NCBP3: variants seen among roughly 807,000 people sequenced by gnomAD.
NCBP3 encodes the protein nuclear cap binding subunit 3.
A neutral mutation model predicts 75.7 loss-of-function variants in NCBP3; 20 were observed. The observed-to-expected ratio is 0.26, with a 90% CI of 0.19 to 0.38. The LOEUF (loss-of-function observed/expected upper bound fraction) is 0.38. NCBP3 is among the 10% of genes least tolerant of loss of function. NCBP3 has a pLI of 1.00. For synonymous variants in NCBP3, 293 were observed against 290.5 expected (o/e 1.01, Z -0.09); for missense variants, 678 against 796.9 (o/e 0.85, Z 1.80).
Position 3,826,128 on chromosome 17 carries a change from C to T in NCBP3, c.569G>A (p.Arg190Lys), listed in dbSNP as rs1277049630. 2 of 1,551,664 alleles carry T rather than the reference C, an allele frequency of 1.3e-6. No homozygotes were observed. The highest frequency in any genetic ancestry group is 2.4e-5 in the South Asian group (2 of 84,062). The part of the protein sequence containing the change: ...SLPAQDKIRS[R>K]DASEDKSAEK... ...AGCTGACTTGTCCTCACTGGCATCC[C>T]TGCTTCTGATCTTATCCTGTGCAGG... Residue 190 changes from arginine to lysine, a missense_variant, in exon 5 of 13, where the codon AGG becomes AAG. Around this residue, in one of 7 missense-constraint regions of NCBP3, gnomAD observed 98 missense variants for 101.8 expected, o/e 0.96. Transcript: ENST00000389005.
In NCBP3 at chr17:3,807,325, C is replaced by G. The variant is rs940519515; in HGVS notation, c.*5719G>C. ...CATCTGCATGATTCCCTAGCAAATGCTTTAGAGAGCTGGTAAGCTTCAGCT... is the reference window on the plus strand; with the variant it reads ...CATCTGCATGATTCCCTAGCAAATGGTTTAGAGAGCTGGTAAGCTTCAGCT... On this transcript the variant is annotated 3_prime_UTR_variant, in exon 13 of 13. Transcript: ENST00000389005. The G allele has an allele frequency of 2.6e-5, 4 of 152,294 alleles. No homozygotes were observed. Among genetic ancestry groups the G allele is most frequent in the Non-Finnish European group, 5.9e-5 (4 of 68,018 alleles). The allele number at this position is 152,294 out of a possible 1,614,324, so 9.4% of individuals were successfully genotyped here.
At chr17:3,825,962 T>C (rs2053776109) in intron 5 of NCBP3, 119 bp from the exon 6 acceptor site, 1 of 1,418,362 alleles carries the variant, frequency 7.1e-7, no homozygotes, top group South Asian at 1.3e-5. Flanking sequence ...TTCCTGATGA[T>C]CTCAAGCATC....
At chr17:3,843,914 G>C (rs2054111089) in intron 1 of NCBP3, among the ~76,000 whole-genome samples, 1 of 152,090 alleles carries the variant, frequency 6.6e-6, no homozygotes, top group African/African-American at 2.4e-5. Context: ...TTATTAAGAA[G>C]CCCCATCCTA....
chr17:3,830,690 C>T (rs1003087409), intron 3 of NCBP3, among the ~76,000 whole-genome samples: 7 of 152,240 alleles, frequency 4.6e-5, no homozygotes, highest in South Asian at 2.1e-4. Flanking sequence ...TGGGTTCAAG[C>T]GATTCTCCTG....
At chr17:3,830,227 G>A (rs781327831) in intron 3 of NCBP3, among the ~76,000 whole-genome samples, 1 of 152,094 alleles carries the variant, frequency 6.6e-6, no homozygotes, top group Non-Finnish European at 1.5e-5. Flanking sequence ...ACATACATGT[G>A]GGCTCACGAA....
At chr17:3,829,039 G>A (rs2053833612) in intron 4 of NCBP3, among the ~76,000 whole-genome samples, 1 of 152,274 alleles carries the variant, frequency 6.6e-6, no homozygotes, top group Non-Finnish European at 1.5e-5. Context: ...CTCAGCTGAC[G>A]TGGGACACTA....
intron 4 of NCBP3, 28 bp downstream of exon 4, chr17:3,829,215 T>C (rs1399055536): frequency 1.3e-6 from 2 of 1,550,150 alleles, no homozygotes; most frequent in East Asian, 2.4e-5. Flanking sequence ...AACAAAAGCA[T>C]ATTCACAGGA....
In NCBP3 at chr17:3,816,263, T is replaced by A. The variant is rs775423578; in HGVS notation, c.1318A>T (p.Met440Leu). The change falls in exon 11 of 13, where the codon ATG becomes TTG. Residue 440 changes from methionine to leucine, a missense_variant. Physicochemically the swap from Met to Leu is conservative, Grantham distance 15. Coordinates refer to ENST00000389005, the MANE Select transcript of NCBP3 (RefSeq NM_001114118.3). ...ESQLKNIRNS[M>L]RADSVSSSNI... Reference sequence around the variant, plus strand: ...CTTGAAGATACACTATCTGCCCTCATGGAGTTCCTTTAAAAAGGGGGTAGG... The same window carrying A: ...CTTGAAGATACACTATCTGCCCTCAAGGAGTTCCTTTAAAAAGGGGGTAGG... The A allele has an allele frequency of 6.2e-7, 1 of 1,613,320 alleles. No individual in the cohort carries two copies. Among genetic ancestry groups the A allele is most frequent in the Non-Finnish European group, 8.5e-7 (1 of 1,179,656 alleles).
At position 3,814,350 on chromosome 17, in the gene NCBP3, G is replaced by C. The variant is rs779336127; in HGVS notation, c.1599C>G (p.Leu533=). The C allele has an allele frequency of 6.8e-6, 11 of 1,614,064 alleles. No individual in the cohort carries two copies. Among genetic ancestry groups the C allele is most frequent in the Non-Finnish European group, 9.3e-6 (11 of 1,180,022 alleles). Residue 533 remains leucine, a synonymous_variant, in exon 12 of 13, where the codon CTC becomes CTG. Coordinates refer to ENST00000389005, the MANE Select transcript of NCBP3 (RefSeq NM_001114118.3). The stretch of plus-strand genomic sequence containing the variant: ...ATTTCTTCTCCCGAGTATCGGCGTA[G>C]AGGCCTTTACTATCCTGCCTGGGAA... ...LGVPRQDSKG[L]YADTREKKSG... is the part of the protein sequence containing the mutation.
chr17:3,821,642 C>T (rs558508703), intron 8 of NCBP3, among the ~76,000 whole-genome samples: 54 of 152,148 alleles, frequency 3.5e-4, no homozygotes, highest in South Asian at 1.7e-3. Flanking sequence ...AGGCTGGTCT[C>T]GAACTCCTGA....
intron 3 of NCBP3, among the ~76,000 whole-genome samples, chr17:3,830,566 A>G (rs911151114): frequency 2.6e-5 from 4 of 152,236 alleles, no homozygotes; most frequent in African/African-American, 4.8e-5. Flanking sequence ...TGGTCAAAAA[A>G]GAAACTTAGC....
intron 3 of NCBP3, among the ~76,000 whole-genome samples, chr17:3,839,512 T>A (rs532031486): frequency 6.6e-6 from 1 of 152,286 alleles, no homozygotes; most frequent in Non-Finnish European, 1.5e-5. Flanking sequence ...CACTCCCAGC[T>A]GATTTTTGTA....
rs748627778 is a variant in NCBP3 at position 3,813,089 on chromosome 17, A to C, written c.1818T>G (p.Ile606Met). 1.2e-6 allele frequency: 2 copies of C among 1,614,220 alleles called. No individual in the cohort carries two copies. Among genetic ancestry groups the C allele is most frequent in the South Asian group, 1.1e-5 (1 of 91,090 alleles). Residue 606 changes from isoleucine to methionine, a missense_variant, in exon 13 of 13, where the codon ATT becomes ATG. Ile to Met is a conservative substitution (Grantham distance 10). Transcript: ENST00000389005. Reference sequence around the variant, plus strand: ...CAGAGCTGCTTTCCCGACTAACTTCAATCTGGAGAGATGGTAAGTTATCTA... The same window carrying C: ...CAGAGCTGCTTTCCCGACTAACTTCCATCTGGAGAGATGGTAAGTTATCTA... ...SRLDNLPSLQ[I>M]EVSRESSSGS... is the part of the protein sequence containing the mutation.
intron 2 of NCBP3, among the ~76,000 whole-genome samples, 163 bp downstream of exon 2, chr17:3,842,923 C>A (rs1010326017): frequency 6.6e-6 from 1 of 152,068 alleles, no homozygotes; most frequent in African/African-American, 2.4e-5. Flanking sequence ...GGATTACAGG[C>A]ATGAGCCAGC....
At chr17:3,819,288 T>C (rs1240252626) in intron 9 of NCBP3, among the ~76,000 whole-genome samples, 1 of 152,266 alleles carries the variant, frequency 6.6e-6, no homozygotes, top group South Asian at 2.1e-4. Flanking sequence ...CCCAGCGCGG[T>C]GGCTCACGCC....
At chr17:3,842,799 C>A (rs575738468) in intron 2 of NCBP3, among the ~76,000 whole-genome samples, 1 of 152,262 alleles carries the variant, frequency 6.6e-6, no homozygotes, top group Admixed American at 6.5e-5. Flanking sequence ...ACCTGTGCTA[C>A]CACACCCGAC....
At chr17:3,831,551 G>T (rs565860384) in intron 3 of NCBP3, among the ~76,000 whole-genome samples, 1 of 76,698 alleles carries the variant, frequency 1.3e-5, no homozygotes, top group African/African-American at 2.9e-5. Flanking sequence ...CCAGCCTAGC[G>T]ACGGAGCAAG....
Position 3,812,937 on chromosome 17 carries a change from A to G in NCBP3, c.*107T>C, listed in dbSNP as rs1360052339. The stretch of plus-strand genomic sequence containing the variant: ...AGCAAGAGCGGAGGGTGACTGTGTG[A>G]GCAGGAGCGAGAGGGCGCCAGCTCC... On this transcript the variant is annotated 3_prime_UTR_variant, in exon 13 of 13. Coordinates refer to ENST00000389005, the MANE Select transcript of NCBP3 (RefSeq NM_001114118.3). The G allele has an allele frequency of 6.5e-7, 1 of 1,539,566 alleles. No homozygotes were observed. The highest frequency in any genetic ancestry group is 2.1e-5 in the Admixed American group (1 of 48,300).
At chr17:3,814,262 C>T (rs963031616) in intron 12 of NCBP3, 60 bp downstream of exon 12, 53 of 1,538,080 alleles carry the variant, frequency 3.4e-5, no homozygotes, top group Admixed American at 7.8e-5. Context: ...TTCTCCAATA[C>T]ACCCACTGTC....
Sources: allele counts gnomAD v4.1 joint callset (sites outside exome capture counted in the v4.1 genomes callset), GRCh38; gene constraint gnomAD v4.1.1; regional missense constraint gnomAD v4.1.1; transcripts MANE v1.5; gene names NCBI Gene and HGNC (gene_info 2026-07-23, HGNC 2026-07-21).